The following RBM20 variants were observed in gnomAD, a reference collection of about 807,000 sequenced individuals.
RBM20 encodes the protein RNA binding motif protein 20, also known as RNA-binding protein 20.
RBM20 carries 51 observed loss-of-function variants against 110.1 expected under a neutral mutation model. That is an observed-to-expected ratio of 0.46 (90% CI 0.37 to 0.59). The LOEUF (loss-of-function observed/expected upper bound fraction) is 0.59. RBM20 is among the 20% of genes least tolerant of loss of function. The pLI is 0.00. For missense variants in RBM20, 1,512 were observed against 1,574.9 expected (o/e 0.96, Z 0.68); for synonymous variants, 589 against 618.2 (o/e 0.95, Z 0.70).
intron 6 of RBM20, among the ~76,000 whole-genome samples, chr10:110,798,823 T>C (rs1702027685): frequency 6.6e-6 from 1 of 152,144 alleles, no homozygotes; most frequent in African/African-American, 2.4e-5. Context: ...CCCTGCAGCA[T>C]TGAGGAATCA....
At chr10:110,776,734 C>A (rs986942398) in intron 1 of RBM20, among the ~76,000 whole-genome samples, 4 of 152,222 alleles carry the variant, frequency 2.6e-5, no homozygotes, top group African/African-American at 9.6e-5. Flanking sequence ...GTCCCCTTTA[C>A]CATGTAAGAT....
At chr10:110,796,385 A>G (rs12414939) in intron 5 of RBM20, among the ~76,000 whole-genome samples, 61,953 of 152,076 alleles carry the variant, frequency 0.41, 13,169 homozygotes, top group South Asian at 0.6. Flanking sequence ...AAAATTTTAC[A>G]ACACTTGCTT....
chr10:110,822,849 T>C (rs1401450565), intron 11 of RBM20, among the ~76,000 whole-genome samples: 2 of 152,014 alleles, frequency 1.3e-5, no homozygotes, highest in African/African-American at 4.8e-5. Context: ...TGAGTTTCCA[T>C]GGAAACCCCG....
intron 1 of RBM20, among the ~76,000 whole-genome samples, chr10:110,653,639 C>G (rs1309097957): frequency 6.6e-6 from 1 of 152,066 alleles, no homozygotes; most frequent in East Asian, 1.9e-4. Flanking sequence ...TCACTGCAGC[C>G]TTGACCTCCC....
chr10:110,658,563 C>A (rs940413463), intron 1 of RBM20, among the ~76,000 whole-genome samples: 6 of 152,238 alleles, frequency 3.9e-5, no homozygotes, highest in South Asian at 2.1e-4. Flanking sequence ...TCCTCCTTGT[C>A]CCTGCCCACT....
chr10:110,728,670 G>A (rs1401740912), intron 1 of RBM20, among the ~76,000 whole-genome samples: 1 of 152,048 alleles, frequency 6.6e-6, no homozygotes, highest in African/African-American at 2.4e-5. Flanking sequence ...CTTTTGTGTG[G>A]TGCTCTCAAC....
At chr10:110,750,440 T>G (rs1843838615) in intron 1 of RBM20, among the ~76,000 whole-genome samples, 1 of 152,178 alleles carries the variant, frequency 6.6e-6, no homozygotes. Context: ...TTGCCAGCGC[T>G]CACATTTTCT....
At chr10:110,820,736 C>T (rs929436457) in intron 10 of RBM20, among the ~76,000 whole-genome samples, 5 of 152,200 alleles carry the variant, frequency 3.3e-5, no homozygotes, top group African/African-American at 9.7e-5. Context: ...AAATGAGTAT[C>T]GCTGGCAGGG....
intron 1 of RBM20, among the ~76,000 whole-genome samples, chr10:110,743,541 T>C (rs368549411): frequency 5.3e-5 from 8 of 150,488 alleles, no homozygotes; most frequent in East Asian, 1.9e-4. Flanking sequence ...AGTTTATACA[T>C]ACACACACAC....
intron 1 of RBM20, among the ~76,000 whole-genome samples, chr10:110,706,028 C>G (rs1004952328): frequency 4.0e-5 from 6 of 151,800 alleles, no homozygotes; most frequent in African/African-American, 1.5e-4. Flanking sequence ...TTGCAGTGAG[C>G]CAGAATCACA....
chr10:110,760,906 A>C (rs1172219458), intron 1 of RBM20, among the ~76,000 whole-genome samples: 1 of 150,894 alleles, frequency 6.6e-6, no homozygotes, highest in Non-Finnish European at 1.5e-5. Context: ...AGCCTGGACA[A>C]TATGGTGAAA....
At chr10:110,711,349 AAAAAAAAAG>A in intron 1 of RBM20, among the ~76,000 whole-genome samples, 1 of 150,088 alleles carries the variant, frequency 6.7e-6, no homozygotes, top group South Asian at 2.1e-4. Context: ...AAAAAAAAAA[AAAAAAAAAG>A]AGTCCAGGAG....
At chr10:110,753,308 G>A (rs1843882689) in intron 1 of RBM20, among the ~76,000 whole-genome samples, 1 of 152,014 alleles carries the variant, frequency 6.6e-6, no homozygotes, top group Non-Finnish European at 1.5e-5. Context: ...AAGGTCCTTG[G>A]AACACTCTAA....
At chr10:110,764,034 A>G (rs1166552777) in intron 1 of RBM20, among the ~76,000 whole-genome samples, 2 of 152,086 alleles carry the variant, frequency 1.3e-5, no homozygotes, top group Non-Finnish European at 2.9e-5. Context: ...CTTAGAGCAA[A>G]GGAGAACTCA....
upstream of RBM20, among the ~76,000 whole-genome samples, chr10:110,643,393 C>A (rs997176895): frequency 3.3e-5 from 5 of 152,220 alleles, no homozygotes; most frequent in African/African-American, 1.2e-4. Flanking sequence ...CTTGGTGGCT[C>A]TCAGCCTTGA....
chr10:110,670,718 T>C (rs1439023524), intron 1 of RBM20, among the ~76,000 whole-genome samples: 1 of 152,234 alleles, frequency 6.6e-6, no homozygotes, highest in Non-Finnish European at 1.5e-5. Flanking sequence ...GCAGGAAATA[T>C]GGCTTATTCT....
chr10:110,662,237 C>T (rs1463492585), intron 1 of RBM20, among the ~76,000 whole-genome samples: 4 of 152,198 alleles, frequency 2.6e-5, no homozygotes, highest in Non-Finnish European at 5.9e-5. Flanking sequence ...CCCCAGTAAA[C>T]TTTCATTTCC....
At chr10:110,783,810 C>T (rs1044713243) in intron 3 of RBM20, among the ~76,000 whole-genome samples, 3 of 152,196 alleles carry the variant, frequency 2.0e-5, no homozygotes, top group Non-Finnish European at 1.5e-5. Context: ...AGCACATTCA[C>T]GACATTGTGC....
intron 1 of RBM20, among the ~76,000 whole-genome samples, chr10:110,767,416 G>C (rs1353738214): frequency 6.6e-6 from 1 of 151,234 alleles, no homozygotes; most frequent in Admixed American, 6.5e-5. Flanking sequence ...CCCGGACGGG[G>C]TGGCTGCCGG....
Sources: allele counts gnomAD v4.1 joint callset (sites outside exome capture counted in the v4.1 genomes callset), GRCh38; gene constraint gnomAD v4.1.1; transcripts MANE v1.5; gene names NCBI Gene and HGNC (gene_info 2026-07-23, HGNC 2026-07-21).